The following HSP90AA1 variants were observed in gnomAD, a reference collection of about 807,000 sequenced individuals.
HSP90AA1 encodes the protein heat shock protein 90 alpha family class A member 1.
In HSP90AA1, 18 loss-of-function variants were observed where a neutral mutation model predicts 73.3. The observed-to-expected ratio is 0.25, with a 90% CI of 0.17 to 0.36. The LOEUF (loss-of-function observed/expected upper bound fraction) is 0.36. Ranked by LOEUF, HSP90AA1 falls within the 10% of genes least tolerant of loss-of-function variation. The pLI, the probability that HSP90AA1 is intolerant of heterozygous loss-of-function variation, is 1.00. For missense variants in HSP90AA1, 704 were observed against 874.2 expected, an observed-to-expected ratio of 0.81 and a Z score of 2.45; for synonymous variants, 477 against 296.9, an observed-to-expected ratio of 1.61 and a Z score of -6.24.
In HSP90AA1 at chr14:102,110,863, G is replaced by A. The variant is rs559701658; in HGVS notation, c.156-8778C>T. 2.0e-5 allele frequency among the ~76,000 whole-genome samples: 3 copies of A among 152,288 alleles called. No individual in the cohort carries two copies. In the South Asian group the frequency reaches 6.2e-4, roughly 32 times the overall value. On this transcript the variant is annotated intron_variant, in intron 1 of 11. Coordinates refer to the HSP90AA1 transcript ENST00000334701. ...CCCAAAGTGCTAGGATTACAGGCGT[G>A]AGCCACTGCGCCCAGCCCAATTTTT...
At chr14:102,133,041 A>G (rs931792721) in intron 1 of HSP90AA1, among the ~76,000 whole-genome samples, 4 of 152,202 alleles carry the variant, frequency 2.6e-5, no homozygotes, top group Non-Finnish European at 5.9e-5. Context: ...GCACTTTGGG[A>G]GGCCAAGGCA....
At chr14:102,128,947 TTC>T (rs1487394038) in intron 1 of HSP90AA1, among the ~76,000 whole-genome samples, 2 of 152,172 alleles carry the variant, frequency 1.3e-5, no homozygotes, top group Non-Finnish European at 2.9e-5. Context: ...TTCCCAAGTT[TTC>T]TTGGTTCTCA....
chr14:102,122,126 A>G (rs2049785183), intron 1 of HSP90AA1, among the ~76,000 whole-genome samples: 1 of 152,120 alleles, frequency 6.6e-6, no homozygotes, highest in Admixed American at 6.6e-5. Context: ...TGGAGTGAGG[A>G]GGGAAGTAGG....
chr14:102,083,758 G>C (rs201331198), intron 7 of HSP90AA1, 35 bp downstream of exon 7: 3 of 1,564,082 alleles, frequency 1.9e-6, no homozygotes, highest in East Asian at 2.2e-5. Context: ...AAACTAAAGA[G>C]GCCAATTGGA....
rs1045524232 is a variant in HSP90AA1, at chr14:102,083,870, A to G, written c.1261T>C (p.Leu421=). The change falls in exon 7 of 11, where the codon TTA becomes CTA. Residue 421 remains leucine, a synonymous_variant. Coordinates refer to ENST00000216281, the MANE Select transcript of HSP90AA1 (RefSeq NM_005348.4). ...TCCGCCAGTTCAGTAAAGAGTTCTA[A>G]GCATTTTTTGACCAAATTCTTCCTG... ...VIRKNLVKKC[L]ELFTELAEDK... 6.2e-6 allele frequency: 10 copies of G among 1,613,964 alleles called. No individual in the cohort carries two copies. In the Admixed American group the frequency reaches 1.0e-4, roughly 16 times the overall value.
upstream of HSP90AA1, among the ~76,000 whole-genome samples, chr14:102,090,706 C>T (rs1318825390): frequency 5.3e-5 from 8 of 152,346 alleles, no homozygotes; most frequent in African/African-American, 1.9e-4. Flanking sequence ...CCGCCTTGGC[C>T]TCCCAAAGTG....
rs572874004 is a variant in HSP90AA1 at position 102,080,824 on chromosome 14, T to C, written c.*888A>G. On this transcript the variant is annotated 3_prime_UTR_variant, in exon 11 of 11. Transcript: ENST00000216281. Reference sequence around the variant, plus strand: ...ACAACGTGGACACTAAGAGAACACATGTAACTCATGGACGCAGGGGATGCA... The same window carrying C: ...ACAACGTGGACACTAAGAGAACACACGTAACTCATGGACGCAGGGGATGCA... 24 of 226,632 alleles carry C rather than the reference T, an allele frequency of 1.1e-4. No homozygotes were observed. The highest frequency in any genetic ancestry group is 4.4e-4 in the East Asian group (7 of 15,794). 14.0% of individuals were successfully genotyped at this position (226,632 alleles called of 1,614,324 possible).
chr14:102,107,473 C>T (rs1393435912), intron 1 of HSP90AA1, among the ~76,000 whole-genome samples: 1 of 151,944 alleles, frequency 6.6e-6, no homozygotes, highest in African/African-American at 2.4e-5. Context: ...TACAGGTGCA[C>T]GCCACCATGC....
chr14:102,111,286 C>T (rs974116400), intron 1 of HSP90AA1, among the ~76,000 whole-genome samples: 3 of 152,222 alleles, frequency 2.0e-5, no homozygotes, highest in Non-Finnish European at 4.4e-5. Flanking sequence ...GGGCCCAGGG[C>T]CCCCTTGCTC....
intron 2 of HSP90AA1, among the ~76,000 whole-genome samples, chr14:102,098,720 C>T (rs2049456859): frequency 6.6e-6 from 1 of 151,546 alleles, no homozygotes; most frequent in Non-Finnish European, 1.5e-5. Flanking sequence ...CCTTGGTCCC[C>T]CAAAGTGCTC....
At position 102,125,669 on chromosome 14, in the gene HSP90AA1, A is replaced by G. The variant is rs775161781; in HGVS notation, c.155+13581T>C. On this transcript the variant is annotated intron_variant, in intron 1 of 11. Coordinates refer to the HSP90AA1 transcript ENST00000334701. ...CAGAGTTTAACCTCAGGGGGAAGGT[A>G]TAAGAAAAGAAAGCATGCATGAGCA... is the stretch of plus-strand genomic sequence containing the variant. 7.3e-5 allele frequency among the ~76,000 whole-genome samples: 11 copies of G among 150,278 alleles called. No individual in the cohort carries two copies. In the Middle Eastern group the frequency reaches 0.01, roughly 139 times the overall value.
At chr14:102,139,336 G>T in exon 1 of HSP90AA1, 1 of 1,613,182 alleles carries the variant, frequency 6.2e-7, no homozygotes, top group South Asian at 1.1e-5. Flanking sequence ...CACTCTGGGC[G>T]GGACAGTCCC....
intron 1 of HSP90AA1, among the ~76,000 whole-genome samples, chr14:102,133,066 G>A (rs1595682710): frequency 6.6e-6 from 1 of 152,290 alleles, no homozygotes; most frequent in South Asian, 2.1e-4. Context: ...GATCACCTGA[G>A]GTCAGGAGTT....
intron 8 of HSP90AA1, 56 bp from the exon 9 acceptor site, chr14:102,083,358 T>C: frequency 6.3e-7 from 1 of 1,585,544 alleles, no homozygotes; most frequent in Non-Finnish European, 8.7e-7. Context: ...TGGTTTCATC[T>C]AGCTCTGACT....
chr14:102,139,380 C>G (rs781564376), exon 1 of HSP90AA1: 1 of 1,585,832 alleles, frequency 6.3e-7, no homozygotes, highest in Non-Finnish European at 8.6e-7. Context: ...GGGGTGGAGC[C>G]GTCCCCGCCC....
chr14:102,093,401 C>T (rs750094108), intron 2 of HSP90AA1, among the ~76,000 whole-genome samples: 7 of 149,610 alleles, frequency 4.7e-5, no homozygotes, highest in African/African-American at 9.8e-5. Context: ...CCCAGCTACT[C>T]GGGAGGCTGA....
At chr14:102,122,256 T>C (rs1393668742) in intron 1 of HSP90AA1, among the ~76,000 whole-genome samples, 2 of 151,230 alleles carry the variant, frequency 1.3e-5, no homozygotes, top group Non-Finnish European at 2.9e-5. Flanking sequence ...CTTATTCCAT[T>C]TTAGGAAAAG....
At chr14:102,082,794 C>T (rs1375333880) in intron 9 of HSP90AA1, 1 of 522,240 alleles carries the variant, frequency 1.9e-6, no homozygotes, top group African/African-American at 1.9e-5. Context: ...TTATTTTTTT[C>T]TATTTTTAGT....
At chr14:102,115,488 C>T (rs553185571) in intron 1 of HSP90AA1, among the ~76,000 whole-genome samples, 1 of 152,236 alleles carries the variant, frequency 6.6e-6, no homozygotes, top group South Asian at 2.1e-4. Context: ...TAGTTATTGC[C>T]AAATTGTTCT....
Sources: allele counts gnomAD v4.1 joint callset (sites outside exome capture counted in the v4.1 genomes callset), GRCh38; gene constraint gnomAD v4.1.1; transcripts MANE v1.5; gene names NCBI Gene and HGNC (gene_info 2026-07-23, HGNC 2026-07-21).